TEC: variants seen among roughly 807,000 people sequenced by gnomAD.
TEC encodes the protein tec protein tyrosine kinase.
A neutral mutation model predicts 93.0 loss-of-function variants in TEC; 72 were observed. The observed-to-expected ratio is 0.77, with a 90% CI of 0.64 to 0.94. The LOEUF (loss-of-function observed/expected upper bound fraction) is 0.94, where lower values mean the gene tolerates loss of function less well. Among genes scored for constraint, TEC ranks in the 40% least tolerant of loss-of-function variants. TEC has a pLI of 0.00. For missense variants in TEC, 630 were observed against 757.9 expected (o/e 0.83, Z 1.98); for synonymous variants, 249 against 247.7 (o/e 1.01, Z -0.05).
intron 2 of TEC, among the ~76,000 whole-genome samples, chr4:48,180,649 G>A (rs1364726786): frequency 1.3e-5 from 2 of 152,162 alleles, no homozygotes; most frequent in Admixed American, 1.3e-4. Flanking sequence ...AGTATTTAGG[G>A]AACAGAAAGA....
chr4:48,182,483 T>C (rs1721631166), intron 2 of TEC, among the ~76,000 whole-genome samples: 1 of 151,832 alleles, frequency 6.6e-6, no homozygotes, highest in South Asian at 2.1e-4. Context: ...ACTTAGTGGA[T>C]ACTAATTCAA....
At chr4:48,200,007 T>C (rs1722446075) in intron 2 of TEC, among the ~76,000 whole-genome samples, 1 of 152,144 alleles carries the variant, frequency 6.6e-6, no homozygotes, top group African/African-American at 2.4e-5. Context: ...GAAAAACTAA[T>C]TGTATTAATA....
At chr4:48,213,654 T>C (rs935461766) in intron 2 of TEC, among the ~76,000 whole-genome samples, 1 of 152,234 alleles carries the variant, frequency 6.6e-6, no homozygotes, top group African/African-American at 2.4e-5. Flanking sequence ...TAGAAACAAC[T>C]CAAAATGTAG....
rs575513547 is a variant in TEC, at chr4:48,238,206, CG to C, written c.-45-9548del. 8.5e-5 allele frequency among the ~76,000 whole-genome samples: 13 copies of C among 152,246 alleles called. No homozygotes were observed. In the South Asian group the frequency reaches 2.1e-3, roughly 24 times the overall value. On this transcript the variant is annotated intron_variant, in intron 1 of 17. Coordinates refer to ENST00000381501, the MANE Select transcript of TEC (RefSeq NM_003215.3). ...CTATTCCAGGATTAGGCAATGTTTT[CG>C]TGCTCAGAAGGAAGTAACACTGTAC...
At chr4:48,175,588 C>G (rs903905924) in intron 3 of TEC, among the ~76,000 whole-genome samples, 1 of 152,038 alleles carries the variant, frequency 6.6e-6, no homozygotes, top group Non-Finnish European at 1.5e-5. Context: ...AGAGGAGATG[C>G]GCGTGTGTGT....
At chr4:48,264,272 T>C (rs1724574714) in intron 1 of TEC, among the ~76,000 whole-genome samples, 1 of 152,178 alleles carries the variant, frequency 6.6e-6, no homozygotes, top group African/African-American at 2.4e-5. Context: ...TTTAAAGTCT[T>C]TTTAAAAAGC....
intron 1 of TEC, among the ~76,000 whole-genome samples, chr4:48,233,616 T>C (rs1723703137): frequency 6.9e-6 from 1 of 144,676 alleles, no homozygotes; most frequent in African/African-American, 2.6e-5. Flanking sequence ...GAAACAAAAG[T>C]TGTACAGAAA....
intron 2 of TEC, among the ~76,000 whole-genome samples, chr4:48,187,949 C>T (rs1721947775): frequency 1.3e-5 from 2 of 152,310 alleles, no homozygotes; most frequent in Middle Eastern, 3.4e-3. Context: ...CATTTTTCCT[C>T]CCCTTTCTGG....
chr4:48,232,994 C>A (rs1723689051), intron 1 of TEC, among the ~76,000 whole-genome samples: 1 of 152,178 alleles, frequency 6.6e-6, no homozygotes, highest in Non-Finnish European at 1.5e-5. Context: ...TGCCATAGAT[C>A]TAGGTGACTA....
rs149485462 is a variant in TEC at position 48,182,040 on chromosome 4, T to A, written c.139-5854A>T. On this transcript the variant is annotated intron_variant, in intron 2 of 17. Transcript: ENST00000381501. Reference sequence around the variant, plus strand: ...GCTCATGCCTGTAATCCCAGCACTTTAGGAGGCCAAGGCAGGCAGATCACT... The same window carrying A: ...GCTCATGCCTGTAATCCCAGCACTTAAGGAGGCCAAGGCAGGCAGATCACT... 1.6e-3 allele frequency among the ~76,000 whole-genome samples: 245 copies of A among 152,238 alleles called. 1 individual carries two copies. The highest frequency in any genetic ancestry group is 5.7e-3 in the African/African-American group (238 of 41,546).
intron 1 of TEC, among the ~76,000 whole-genome samples, chr4:48,257,747 G>A (rs1350431206): frequency 6.6e-6 from 1 of 152,090 alleles, no homozygotes; most frequent in Admixed American, 6.5e-5. Flanking sequence ...TTTCCTTTGT[G>A]TTATTTAGGT....
chr4:48,147,537 T>C (rs1241191392), intron 11 of TEC, among the ~76,000 whole-genome samples: 1 of 152,206 alleles, frequency 6.6e-6, no homozygotes, highest in Non-Finnish European at 1.5e-5. Flanking sequence ...ATTTTTTTCC[T>C]TAACATCGTT....
At chr4:48,197,542 GAGATT>G (rs1334902499) in intron 2 of TEC, among the ~76,000 whole-genome samples, 1 of 152,152 alleles carries the variant, frequency 6.6e-6, no homozygotes, top group Non-Finnish European at 1.5e-5. Flanking sequence ...TTGAAAGCAT[GAGATT>G]AACTCCCATG....
intron 10 of TEC, 45 bp downstream of exon 10, chr4:48,150,818 A>G: frequency 7.2e-7 from 1 of 1,379,612 alleles, no homozygotes; most frequent in South Asian, 1.6e-5. Flanking sequence ...TAGGAAGTTC[A>G]TACAAAAACT....
intron 1 of TEC, among the ~76,000 whole-genome samples, chr4:48,248,540 C>A (rs987510454): frequency 6.6e-6 from 1 of 152,216 alleles, no homozygotes. Context: ...TGAGCAGACA[C>A]TGGGAGGGGA....
intron 2 of TEC, among the ~76,000 whole-genome samples, chr4:48,227,365 G>A (rs1424577081): frequency 1.3e-5 from 2 of 152,028 alleles, no homozygotes; most frequent in Non-Finnish European, 2.9e-5. Flanking sequence ...AACCAGGGCC[G>A]GGTGCAGTGG....
chr4:48,145,675 A>C, intron 12 of TEC, 96 bp from the exon 13 acceptor site: 28 of 1,302,700 alleles, frequency 2.1e-5, no homozygotes, highest in Middle Eastern at 2.2e-4. Context: ...GATCAACCTC[A>C]AAATTACAGG....
In TEC at chr4:48,179,369, TATA is replaced by T. The variant is rs1364160523; in HGVS notation, c.139-3186_139-3184del. Among the ~76,000 whole-genome samples, 222 of 39,096 alleles carry T rather than the reference TATA, an allele frequency of 5.7e-3. 4 individuals are homozygous for T. Among genetic ancestry groups the T allele is most frequent in the East Asian group, 0.011 (7 of 656 alleles). The allele number at this position is 39,096 out of a possible 152,430, so 25.6% of individuals were successfully genotyped here. A position where few individuals can be genotyped will look rare whatever the true frequency, so the allele number is the denominator to read the frequency against. On this transcript the variant is annotated intron_variant, in intron 2 of 17. Transcript: ENST00000381501. ...ATATATATATATATATATATATATA[TATA>T]TATATTTTTTTTTTTTTTTTTTTTT...
At chr4:48,189,535 T>C (rs960819962) in intron 2 of TEC, among the ~76,000 whole-genome samples, 5 of 152,200 alleles carry the variant, frequency 3.3e-5, no homozygotes, top group African/African-American at 1.2e-4. Flanking sequence ...AATGGATTTT[T>C]ATGGCAACAT....
Sources: allele counts gnomAD v4.1 joint callset (sites outside exome capture counted in the v4.1 genomes callset), GRCh38; gene constraint gnomAD v4.1.1; transcripts MANE v1.5; gene names NCBI Gene and HGNC (gene_info 2026-07-23, HGNC 2026-07-21).